Variants in PKNOX2 observed in about 807,000 individuals in gnomAD.
The protein encoded by PKNOX2 is PBX/knotted 1 homeobox 2.
PKNOX2 carries 14 observed loss-of-function variants against 53.1 expected under a neutral mutation model. The ratio of observed to expected loss-of-function variants is 0.26; its 90% CI spans 0.17 to 0.41. PKNOX2 has a LOEUF of 0.41. Among genes scored for constraint, PKNOX2 ranks in the 10% least tolerant of loss-of-function variants. The probability of loss-of-function intolerance (pLI) is 1.00; values close to 1 mark genes in which losing one functional copy is unlikely to be tolerated. For synonymous variants in PKNOX2, 257 were observed against 242.8 expected (o/e 1.06, Z -0.54); for missense variants, 496 against 602.8 (o/e 0.82, Z 1.85).
At position 125,179,548 on chromosome 11, in the gene PKNOX2, A is replaced by T. The variant is rs1298941998; in HGVS notation, c.-201+14772A>T. On this transcript the variant is annotated intron_variant, in intron 1 of 12. Transcript: ENST00000298282. ...AGGGAGGAAGGGCTGTGCCTGCAAG[A>T]GCTGACAGGCAGCTGGGGTGCTGGG... 2.0e-5 allele frequency among the ~76,000 whole-genome samples: 3 copies of T among 152,166 alleles called. No homozygotes were observed. In the East Asian group the frequency reaches 5.8e-4, roughly 29 times the overall value.
Position 125,411,863 on chromosome 11 carries a change from A to G in PKNOX2, c.934A>G (p.Met312Val), listed in dbSNP as rs1658743998. 6.2e-7 allele frequency: 1 copy of G among 1,613,140 alleles called. No individual in the cohort carries two copies. Among genetic ancestry groups the G allele is most frequent in the Non-Finnish European group, 8.5e-7 (1 of 1,179,170 alleles). Reference protein sequence around the residue: ...IMRSWLFQHLMHPYPTEDEKR... With the variant: ...IMRSWLFQHLVHPYPTEDEKR... ...GCGTTCTTGGCTCTTCCAGCATCTC[A>G]TGGTGAGTGTGTGTGTCTTGGGGGT... Residue 312 changes from methionine (M) to valine (V), a missense_variant and splice_region_variant, in exon 10 of 13, where the codon ATG becomes GTG. Physicochemically the swap from Met to Val is conservative, Grantham distance 21. Around this residue, in one of 5 missense-constraint regions of PKNOX2, gnomAD observed 36 missense variants for 81.9 expected, o/e 0.44. Coordinates refer to ENST00000298282, the MANE Select transcript of PKNOX2 (RefSeq NM_001382323.2).
At chr11:125,395,438 A>T (rs1954320125) in intron 6 of PKNOX2, among the ~76,000 whole-genome samples, 1 of 152,230 alleles carries the variant, frequency 6.6e-6, no homozygotes, top group Non-Finnish European at 1.5e-5. Flanking sequence ...ATAAATGCCC[A>T]AGAGTACAAT....
chr11:125,430,866 A>G (rs1195247901), intron 12 of PKNOX2, among the ~76,000 whole-genome samples: 1 of 152,218 alleles, frequency 6.6e-6, no homozygotes, highest in African/African-American at 2.4e-5. Context: ...CTGAGACAGA[A>G]TGGGGATAAT....
chr11:125,317,406 T>A lies in PKNOX2; in HGVS notation c.-129-14413T>A, dbSNP rs144540796. Among the ~76,000 whole-genome samples, 714 of 152,360 alleles carry A rather than the reference T, an allele frequency of 4.7e-3. 4 individuals carry two copies. The highest frequency in any genetic ancestry group is 0.016 in the African/African-American group (677 of 41,584). On this transcript the variant is annotated intron_variant, in intron 2 of 12. Transcript: ENST00000298282. ...CTCAGATCCACCAGAGGAATTGCTA[T>A]CTATGGCAGCAAGAGCCTTAACAAA...
At chr11:125,297,149 C>A (rs765011323) in intron 2 of PKNOX2, among the ~76,000 whole-genome samples, 45 of 152,316 alleles carry the variant, frequency 3.0e-4, no homozygotes, top group Admixed American at 4.6e-4. Context: ...TTACTTTTCA[C>A]AACGATCCAT....
chr11:125,358,424 G>A (rs1951740659), intron 4 of PKNOX2, among the ~76,000 whole-genome samples: 1 of 152,252 alleles, frequency 6.6e-6, no homozygotes, highest in African/African-American at 2.4e-5. Flanking sequence ...GCTGGGAAGT[G>A]GAGTCCACAG....
At chr11:125,277,878 T>C (rs983091404) in intron 2 of PKNOX2, among the ~76,000 whole-genome samples, 3 of 152,218 alleles carry the variant, frequency 2.0e-5, no homozygotes, top group Non-Finnish European at 4.4e-5. Context: ...AAATCTTACA[T>C]GTACCCCCCA....
intron 2 of PKNOX2, among the ~76,000 whole-genome samples, chr11:125,246,518 C>T (rs944984053): frequency 6.6e-6 from 1 of 152,184 alleles, no homozygotes; most frequent in African/African-American, 2.4e-5. Context: ...TCCCCTTCCC[C>T]GGTTTGCCCT....
At chr11:125,312,039 G>T (rs1399215628) in intron 2 of PKNOX2, among the ~76,000 whole-genome samples, 1 of 152,142 alleles carries the variant, frequency 6.6e-6, no homozygotes, top group African/African-American at 2.4e-5. Context: ...TTGGACCTCA[G>T]ATCCAGCACT....
At chr11:125,388,034 G>T (rs1370054207) in intron 6 of PKNOX2, among the ~76,000 whole-genome samples, 2 of 152,044 alleles carry the variant, frequency 1.3e-5, no homozygotes, top group South Asian at 2.1e-4. Context: ...AATCTCAAGT[G>T]CAGGGCCCCT....
chr11:125,177,858 C>T (rs760407364), intron 1 of PKNOX2, among the ~76,000 whole-genome samples: 1 of 152,078 alleles, frequency 6.6e-6, no homozygotes, highest in Non-Finnish European at 1.5e-5. Context: ...GCAGGGGAAG[C>T]AGTGCTCTGG....
In PKNOX2 at chr11:125,178,716, A is replaced by AAAGGAAGGAAG. The variant is rs1565462588; in HGVS notation, c.-201+13941_-201+13942insAGGAAGGAAGA. Among the ~76,000 whole-genome samples, 28 of 129,398 alleles carry AAAGGAAGGAAG rather than the reference A, an allele frequency of 2.2e-4. 4 individuals are homozygous for AAAGGAAGGAAG. Among genetic ancestry groups the AAAGGAAGGAAG allele is most frequent in the African/African-American group, 1.0e-3 (24 of 23,182 alleles). The allele number at this position is 129,398 out of a possible 152,430, so 84.9% of individuals were successfully genotyped here. ...AGAGAGAGAAAGAAAGAAAGAAAGA[A>AAAGGAAGGAAG]AGAGAAAGGAAGGAAGAGAGAAAGG... On this transcript the variant is annotated intron_variant, in intron 1 of 12. Transcript: ENST00000298282.
chr11:125,384,549 T>C (rs1200285342), intron 5 of PKNOX2, among the ~76,000 whole-genome samples: 4 of 152,096 alleles, frequency 2.6e-5, no homozygotes, highest in Non-Finnish European at 5.9e-5. Flanking sequence ...CCAGGCGTGG[T>C]GGCGGAGGCC....
intron 2 of PKNOX2, among the ~76,000 whole-genome samples, chr11:125,261,624 C>T (rs1486125587): frequency 6.6e-6 from 1 of 152,178 alleles, no homozygotes; most frequent in Non-Finnish European, 1.5e-5. Context: ...TCAGTGACCT[C>T]ATTGGCCAGA....
At chr11:125,299,477 G>A (rs1947884182) in intron 2 of PKNOX2, among the ~76,000 whole-genome samples, 1 of 152,104 alleles carries the variant, frequency 6.6e-6, no homozygotes, top group South Asian at 2.1e-4. Context: ...CTGAGGCCAG[G>A]GAAGGGCGGG....
chr11:125,427,709 C>G (rs528641439), intron 10 of PKNOX2, among the ~76,000 whole-genome samples: 9 of 152,228 alleles, frequency 5.9e-5, no homozygotes, highest in African/African-American at 1.9e-4. Context: ...TTTCTAATAC[C>G]ACTCCAATCA....
chr11:125,329,869 T>C (rs73025721), intron 2 of PKNOX2, among the ~76,000 whole-genome samples: 24,317 of 152,010 alleles, frequency 0.16, 4,471 homozygotes, highest in African/African-American at 0.46. Context: ...CAGCTGCTTT[T>C]TCGACAATGA....
intron 1 of PKNOX2, among the ~76,000 whole-genome samples, chr11:125,205,968 A>G (rs1483769295): frequency 2.0e-5 from 3 of 152,060 alleles, no homozygotes; most frequent in African/African-American, 4.8e-5. Context: ...AGTGGCACAG[A>G]TTCTATGTGC....
At chr11:125,281,969 C>T (rs879850542) in intron 2 of PKNOX2, among the ~76,000 whole-genome samples, 1 of 152,172 alleles carries the variant, frequency 6.6e-6, no homozygotes, top group African/African-American at 2.4e-5. Context: ...GGCTGACATT[C>T]GAGTTACTCA....
Sources: allele counts gnomAD v4.1 joint callset (sites outside exome capture counted in the v4.1 genomes callset), GRCh38; gene constraint gnomAD v4.1.1; regional missense constraint gnomAD v4.1.1; transcripts MANE v1.5; gene names NCBI Gene and HGNC (gene_info 2026-07-23, HGNC 2026-07-21).